BRD1: variants seen among roughly 807,000 people sequenced by gnomAD.
BRD1 encodes the protein bromodomain containing 1.
In BRD1, 24 loss-of-function variants were observed where a neutral mutation model predicts 107.7. The observed-to-expected ratio is 0.22, with a 90% CI of 0.16 to 0.31. The LOEUF is 0.31. Ranked by LOEUF, BRD1 falls within the 10% of genes least tolerant of loss-of-function variation. BRD1 has a pLI of 1.00. For synonymous variants in BRD1, 744 were observed against 686.1 expected, an observed-to-expected ratio of 1.08 and a Z score of -1.32; for missense variants, 1,279 against 1,638.6, an observed-to-expected ratio of 0.78 and a Z score of 3.79.
Position 49,823,839 on chromosome 22 carries a change from T to A in BRD1, c.479A>T (p.Glu160Val). 6.2e-7 allele frequency: 1 copy of A among 1,614,166 alleles called. No homozygotes were observed. Among genetic ancestry groups the A allele is most frequent in the Non-Finnish European group, 8.5e-7 (1 of 1,180,036 alleles). The change falls in exon 2 of 13, where the codon GAG becomes GTG. Residue 160 changes from glutamate (E) to valine (V), a missense_variant. By Grantham distance (121) the Glu-to-Val change is moderately radical. Coordinates refer to ENST00000404760, the MANE Select transcript of BRD1 (RefSeq NM_001304808.3). Reference protein sequence around the residue: ...LDNEVEYDMDEEDYAWLEIVN... With the variant: ...LDNEVEYDMDVEDYAWLEIVN... ...GATCTCCAGCCAGGCATAGTCCTCC[T>A]CGTCCATGTCATACTCCACCTCGTT...
intron 8 of BRD1, among the ~76,000 whole-genome samples, chr22:49,779,753 G>A (rs1398666512): frequency 2.6e-5 from 4 of 151,918 alleles, no homozygotes; most frequent in Middle Eastern, 3.2e-3. Flanking sequence ...CCTGGCCCCC[G>A]AGAACCCCTC....
intron 2 of BRD1, among the ~76,000 whole-genome samples, chr22:49,814,483 T>C (rs565667718): frequency 2.6e-5 from 4 of 152,354 alleles, no homozygotes; most frequent in African/African-American, 9.6e-5. Context: ...AGGGGACACC[T>C]GCTCTTTTCA....
At chr22:49,817,021 C>T (rs1259904815) in intron 2 of BRD1, among the ~76,000 whole-genome samples, 1 of 152,236 alleles carries the variant, frequency 6.6e-6, no homozygotes, top group Non-Finnish European at 1.5e-5. Context: ...CCATTTCAGA[C>T]ACCCCACAGG....
At chr22:49,791,438 G>T (rs1339497806) in intron 7 of BRD1, among the ~76,000 whole-genome samples, 2 of 152,222 alleles carry the variant, frequency 1.3e-5, no homozygotes, top group African/African-American at 4.8e-5. Flanking sequence ...TTAAATTACA[G>T]TTTAAGTGAG....
At chr22:49,785,944 C>T (rs954328894) in intron 8 of BRD1, among the ~76,000 whole-genome samples, 1 of 152,184 alleles carries the variant, frequency 6.6e-6, no homozygotes. Flanking sequence ...GGAACAGGGA[C>T]AAGATGTGAG....
At chr22:49,779,406 GCA>G (rs2059161468) in intron 8 of BRD1, among the ~76,000 whole-genome samples, 1 of 152,222 alleles carries the variant, frequency 6.6e-6, no homozygotes, top group African/African-American at 2.4e-5. Context: ...AGAAGGGAAT[GCA>G]CAGATTGGGC....
In BRD1 at chr22:49,799,137, T is replaced by C. The variant is rs2059592786; in HGVS notation, c.1525-18A>G. 1.3e-6 allele frequency: 2 copies of C among 1,599,612 alleles called. No individual in the cohort carries two copies. Among genetic ancestry groups the C allele is most frequent in the Non-Finnish European group, 1.7e-6 (2 of 1,176,764 alleles). On this transcript the variant is annotated intron_variant, in intron 3 of 12. Coordinates refer to ENST00000404760, the MANE Select transcript of BRD1 (RefSeq NM_001304808.3). ...TTTTCTCTCTGAGAACAGTGAACAC[T>C]TCCGTCAGTCAAACCCAGAGGCTCC...
At chr22:49,809,955 G>GA (rs1261008506) in intron 2 of BRD1, among the ~76,000 whole-genome samples, 2 of 152,168 alleles carry the variant, frequency 1.3e-5, no homozygotes, top group East Asian at 3.9e-4. Context: ...ATCAAAGAAA[G>GA]AAAGAACACA....
chr22:49,787,348 T>C (rs747733352), intron 8 of BRD1, 42 bp downstream of exon 8: 3 of 1,280,928 alleles, frequency 2.3e-6, no homozygotes, highest in South Asian at 1.2e-5. Context: ...CTCCAGGCAC[T>C]GGTCGGCAAG....
chr22:49,798,597 G>A lies in BRD1; in HGVS notation c.1746C>T (p.Asp582=). 1 of 1,614,194 alleles carries A rather than the reference G, an allele frequency of 6.2e-7. No homozygotes were observed. The part of the protein sequence containing the change: ...RSVLDQLQDK[D]PARIFAQPVS... ...CGGGCTGCGCAAATATCCTGGCGGG[G>A]TCCTTGTCTTGCAGCTGGTCCAGCA... is the stretch of plus-strand genomic sequence containing the variant. Residue 582 remains aspartate (D), a synonymous_variant, in exon 5 of 13, where the codon GAC becomes GAT. Transcript: ENST00000404760.
At chr22:49,798,413 A>T in intron 5 of BRD1, 145 bp downstream of exon 5, 1 of 1,389,662 alleles carries the variant, frequency 7.2e-7, no homozygotes, top group Non-Finnish European at 9.9e-7. Context: ...TCACTTTTAT[A>T]ATTTAAAAAC....
chr22:49,775,831 C>G (rs1434154613), intron 11 of BRD1, 86 bp from the exon 12 acceptor site: 5 of 961,224 alleles, frequency 5.2e-6, no homozygotes, highest in Non-Finnish European at 6.8e-6. Context: ...CCCCGCCTCC[C>G]CACCCCAGCT....
At chr22:49,795,742 A>C (rs2059518849) in intron 6 of BRD1, among the ~76,000 whole-genome samples, 1 of 152,240 alleles carries the variant, frequency 6.6e-6, no homozygotes, top group Non-Finnish European at 1.5e-5. Context: ...AAGGCATCCA[A>C]GCCAGAGCGT....
intron 2 of BRD1, among the ~76,000 whole-genome samples, chr22:49,805,114 T>C (rs1348463521): frequency 2.0e-5 from 3 of 152,108 alleles, no homozygotes; most frequent in Admixed American, 6.5e-5. Flanking sequence ...GAGCTCAAGG[T>C]ATAAGCCGCT....
At chr22:49,804,434 G>A in intron 2 of BRD1, 74 bp from the exon 3 acceptor site, 1 of 1,469,836 alleles carries the variant, frequency 6.8e-7, no homozygotes, top group African/African-American at 1.4e-5. Flanking sequence ...AGAAATGACA[G>A]TACTACTGCT....
At chr22:49,779,759 C>T (rs527335594) in intron 8 of BRD1, among the ~76,000 whole-genome samples, 1 of 152,070 alleles carries the variant, frequency 6.6e-6, no homozygotes, top group African/African-American at 2.4e-5. Context: ...CCCCGAGAAC[C>T]CCTCAGGAGC....
At chr22:49,819,566 T>C (rs1219963456) in intron 2 of BRD1, among the ~76,000 whole-genome samples, 3 of 152,032 alleles carry the variant, frequency 2.0e-5, no homozygotes, top group Non-Finnish European at 2.9e-5. Flanking sequence ...TTCTCCTGCC[T>C]CAGCCTCCTG....
chr22:49,813,058 C>G (rs1263998118), intron 2 of BRD1, among the ~76,000 whole-genome samples: 1 of 152,168 alleles, frequency 6.6e-6, no homozygotes, highest in African/African-American at 2.4e-5. Flanking sequence ...CAGGCCTGAC[C>G]CAACCTCACA....
In BRD1 at chr22:49,804,379, G is replaced by T; in HGVS notation, c.1368-19C>A. ...ATTTAACCTAAAACACAAACACTCA[G>T]TGTATCTTTGAAGCAGTACATTAAG... On this transcript the variant is annotated intron_variant, in intron 2 of 12. Transcript: ENST00000404760. 1 of 1,586,872 alleles carries T rather than the reference G, an allele frequency of 6.3e-7. No individual in the cohort carries two copies. The highest frequency in any genetic ancestry group is 8.6e-7 in the Non-Finnish European group (1 of 1,161,998).
Sources: allele counts gnomAD v4.1 joint callset (sites outside exome capture counted in the v4.1 genomes callset), GRCh38; gene constraint gnomAD v4.1.1; transcripts MANE v1.5; gene names NCBI Gene and HGNC (gene_info 2026-07-23, HGNC 2026-07-21).